The following CDC42BPB variants were observed in gnomAD, a reference collection of about 807,000 sequenced individuals.
CDC42BPB encodes the protein CDC42 binding protein kinase beta, also known as serine/threonine-protein kinase MRCK beta.
CDC42BPB carries 37 observed loss-of-function variants against 214.9 expected under a neutral mutation model. The ratio of observed to expected loss-of-function variants is 0.17; its 90% CI spans 0.13 to 0.23. CDC42BPB has a LOEUF of 0.23. Ranked by LOEUF, CDC42BPB falls within the 10% of genes least tolerant of loss-of-function variation. The pLI is 1.00. For synonymous variants in CDC42BPB, 931 were observed against 884.0 expected, an observed-to-expected ratio of 1.05 and a Z score of -0.94; for missense variants, 1,694 against 2,227.0, an observed-to-expected ratio of 0.76 and a Z score of 4.82.
Position 103,057,040 on chromosome 14 carries a change from G to A in CDC42BPB, c.134C>T (p.Ala45Val), listed in dbSNP as rs1419664091. 5.3e-6 allele frequency: 8 copies of A among 1,517,354 alleles called. No homozygotes were observed. In the East Asian group the frequency reaches 7.9e-5, roughly 15 times the overall value. 94.0% of individuals were successfully genotyped at this position (1,517,354 alleles called of 1,614,324 possible). The change falls in exon 1 of 37, where the codon GCC becomes GTC. Residue 45 changes from alanine (A) to valine (V), a missense_variant. By Grantham distance (64) the Ala-to-Val change is moderately conservative. Transcript: ENST00000361246. ...VCLYTECSHS[A>V]LRRDKYVAEF... ...GGCCACGTACTTGTCGCGGCGCAGG[G>A]CCGAGTGGCTGCACTCGGTGTACAG...
intron 36 of CDC42BPB, among the ~76,000 whole-genome samples, chr14:102,935,372 AG>A (rs145557974): frequency 0.071 from 10,780 of 152,300 alleles, 485 homozygotes; most frequent in African/African-American, 0.13. Flanking sequence ...CCAAAAGAAT[AG>A]CTAGGAATAG....
chr14:103,007,300 G>A (rs181760796), intron 3 of CDC42BPB, among the ~76,000 whole-genome samples: 91 of 152,280 alleles, frequency 6.0e-4, no homozygotes, highest in African/African-American at 2.1e-3. Flanking sequence ...GTGCAGAGCG[G>A]GGGAGGGAAA....
At chr14:103,019,441 C>T (rs1430920679) in intron 1 of CDC42BPB, among the ~76,000 whole-genome samples, 2 of 152,156 alleles carry the variant, frequency 1.3e-5, no homozygotes, top group East Asian at 3.9e-4. Flanking sequence ...AGCCCGTAGC[C>T]CTCACCCAGC....
At chr14:102,984,983 G>A (rs930939006) in intron 6 of CDC42BPB, among the ~76,000 whole-genome samples, 2 of 152,274 alleles carry the variant, frequency 1.3e-5, no homozygotes, top group African/African-American at 4.8e-5. Context: ...TACTGTGACG[G>A]GGTGGAGTGG....
intron 1 of CDC42BPB, among the ~76,000 whole-genome samples, chr14:103,021,181 C>A (rs1886750028): frequency 6.6e-6 from 1 of 152,184 alleles, no homozygotes; most frequent in African/African-American, 2.4e-5. Context: ...GTGGATGTGG[C>A]CGCGTGCAGT....
intron 29 of CDC42BPB, chr14:102,945,200 G>A (rs1177647589): frequency 4.4e-6 from 2 of 456,672 alleles, no homozygotes; most frequent in South Asian, 3.1e-5. Flanking sequence ...TTCCTTGAGG[G>A]ATGCTCCCCT....
At position 103,002,620 on chromosome 14, in the gene CDC42BPB, T is replaced by G. The variant is rs35695202; in HGVS notation, c.447+1308A>C. On this transcript the variant is annotated intron_variant, in intron 4 of 36. Transcript: ENST00000361246. The stretch of plus-strand genomic sequence containing the variant: ...GGACACTGAGCAGGAAGCGGGGGGG[T>G]TTATGTGGAGGTGGCCCCAGAGCAG... Among the ~76,000 whole-genome samples, 1,430 of 150,038 alleles carry G rather than the reference T, an allele frequency of 9.5e-3. 28 individuals are homozygous for G. The highest frequency in any genetic ancestry group is 0.031 in the African/African-American group (1,266 of 40,388).
chr14:103,002,210 C>T (rs1035364895), intron 4 of CDC42BPB, among the ~76,000 whole-genome samples: 2 of 152,180 alleles, frequency 1.3e-5, no homozygotes, highest in Non-Finnish European at 2.9e-5. Context: ...CTGGCCTAAC[C>T]CTCAACGCCC....
At chr14:103,046,903 G>A (rs906071880) in intron 1 of CDC42BPB, among the ~76,000 whole-genome samples, 11 of 151,804 alleles carry the variant, frequency 7.2e-5, no homozygotes, top group Non-Finnish European at 1.3e-4. Flanking sequence ...CACCTGCCTC[G>A]GCCTCCCAAA....
chr14:103,051,996 C>T (rs1390620560), intron 1 of CDC42BPB, among the ~76,000 whole-genome samples: 1 of 152,160 alleles, frequency 6.6e-6, no homozygotes, highest in Non-Finnish European at 1.5e-5. Context: ...TGCGTGCCAC[C>T]ACACCCGGCT....
chr14:102,958,398 C>T (rs1892804731), intron 21 of CDC42BPB, among the ~76,000 whole-genome samples: 1 of 152,138 alleles, frequency 6.6e-6, no homozygotes, highest in South Asian at 2.1e-4. Flanking sequence ...ACACATGCAC[C>T]CTATTCTTCC....
chr14:102,998,750 G>A (rs1448266718), intron 5 of CDC42BPB, among the ~76,000 whole-genome samples: 5 of 152,188 alleles, frequency 3.3e-5, no homozygotes, highest in African/African-American at 4.8e-5. Flanking sequence ...TCCTTTGTGA[G>A]TGTCCTGGGG....
chr14:103,039,361 C>A (rs1352752522), intron 1 of CDC42BPB, among the ~76,000 whole-genome samples: 1 of 149,732 alleles, frequency 6.7e-6, no homozygotes, highest in African/African-American at 2.5e-5. Context: ...TGAATAGATG[C>A]CAAAATCTTT....
rs1414103155 is a variant in CDC42BPB, at chr14:103,004,587, T to C, written c.352-564A>G. 6.6e-6 allele frequency among the ~76,000 whole-genome samples: 1 copy of C among 152,202 alleles called. No individual in the cohort carries two copies. Among genetic ancestry groups the C allele is most frequent in the African/African-American group, 2.4e-5 (1 of 41,452 alleles). The stretch of plus-strand genomic sequence containing the variant: ...CCTGCTACGTCTTCCAAAAGAGTTT[T>C]AATGCCCAGGTGGCATCTCCGTTTA... On this transcript the variant is annotated intron_variant, in intron 3 of 36. Transcript: ENST00000361246. This position sits in a 1 kb window ranked among gnomAD's most constrained non-coding sequence, Gnocchi z 5.3.
chr14:102,940,329 C>T lies in CDC42BPB; in HGVS notation c.4409-5G>A, dbSNP rs760136922. 16 of 1,563,568 alleles carry T rather than the reference C, an allele frequency of 1.0e-5. No homozygotes were observed. The highest frequency in any genetic ancestry group is 3.8e-5 in the Admixed American group (2 of 52,146). ...TGACGTGGGTGGGGCTGCAACCTAG[C>T]GCAGACGGAGCAGGGCGGGGTGAGC... On this transcript the variant is annotated splice_polypyrimidine_tract_variant and splice_region_variant and intron_variant, in intron 30 of 36. Coordinates refer to ENST00000361246, the MANE Select transcript of CDC42BPB (RefSeq NM_006035.4).
At position 102,986,938 on chromosome 14, in the gene CDC42BPB, C is replaced by T. The variant is rs141494483; in HGVS notation, c.597-358G>A. Among the ~76,000 whole-genome samples the T allele has an allele frequency of 8.7e-4, 133 of 152,302 alleles. 1 individual carries two copies. Among genetic ancestry groups the T allele is most frequent in the South Asian group, 8.5e-3 (41 of 4,832 alleles). ...CCCCTGCCTTCATGAAGCCTGCACA[C>T]GAGCTGAGGTCTTGCAAACACAAAT... On this transcript the variant is annotated intron_variant, in intron 5 of 36. Coordinates refer to ENST00000361246, the MANE Select transcript of CDC42BPB (RefSeq NM_006035.4).
At chr14:103,056,429 G>A (rs2139806912) in intron 1 of CDC42BPB, among the ~76,000 whole-genome samples, 1 of 152,278 alleles carries the variant, frequency 6.6e-6, no homozygotes, top group South Asian at 2.1e-4. Context: ...GGCTCCCTGG[G>A]GATGCAAGGG....
In CDC42BPB at chr14:102,960,442, C is replaced by G. The variant is rs113805907; in HGVS notation, c.2822-732G>C. ...GACCAGCCTGGGCAACACAGAGAGA[C>G]CCCATCTCCATAAAAATTAAATAAA... On this transcript the variant is annotated intron_variant, in intron 20 of 36. Coordinates refer to ENST00000361246, the MANE Select transcript of CDC42BPB (RefSeq NM_006035.4). Among the ~76,000 whole-genome samples the G allele has an allele frequency of 9.3e-3, 1,416 of 151,774 alleles. 29 individuals are homozygous for G. The highest frequency in any genetic ancestry group is 0.032 in the African/African-American group (1,318 of 41,370).
In CDC42BPB at chr14:103,001,706, C is replaced by T. The variant is rs1227206109; in HGVS notation, c.448-1993G>A. On this transcript the variant is annotated intron_variant, in intron 4 of 36. Coordinates refer to ENST00000361246, the MANE Select transcript of CDC42BPB (RefSeq NM_006035.4). This position sits in a 1 kb window ranked among gnomAD's most constrained non-coding sequence, Gnocchi z 5.8. ...GGCATTCCAGAGGGAGCGGCCCCGG[C>T]AGCTGACGGACACACACGGGGCCAG... Among the ~76,000 whole-genome samples the T allele has an allele frequency of 1.3e-5, 2 of 152,162 alleles. No homozygotes were observed. The highest frequency in any genetic ancestry group is 3.9e-4 in the East Asian group (2 of 5,190).
Sources: allele counts gnomAD v4.1 joint callset (sites outside exome capture counted in the v4.1 genomes callset), GRCh38; gene constraint gnomAD v4.1.1; non-coding constraint Gnocchi (gnomAD v3.1); transcripts MANE v1.5; gene names NCBI Gene and HGNC (gene_info 2026-07-23, HGNC 2026-07-21).